The following MCM9 variants were observed in gnomAD, a reference collection of about 807,000 sequenced individuals.
The protein encoded by MCM9 is minichromosome maintenance 9 homologous recombination repair factor, also known as DNA helicase MCM9.
In MCM9, 55 loss-of-function variants were observed where a neutral mutation model predicts 72.8. The observed-to-expected ratio is 0.76, with a 90% CI of 0.61 to 0.95. The LOEUF is 0.95. Among genes scored for constraint, MCM9 ranks in the 40% least tolerant of loss-of-function variants. The pLI is 0.00. For missense variants in MCM9, 1,279 were observed against 1,377.0 expected, an observed-to-expected ratio of 0.93 and a Z score of 1.13; for synonymous variants, 480 against 503.4, an observed-to-expected ratio of 0.95 and a Z score of 0.62.
At chr6:118,894,147 G>A (rs1190843128) in intron 8 of MCM9, 1 of 1,232,364 alleles carries the variant, frequency 8.1e-7, no homozygotes. Context: ...TGGAGGAGGA[G>A]GGTCAGAACT....
intron 13 of MCM9, among the ~76,000 whole-genome samples, chr6:118,825,666 G>A (rs909762859): frequency 6.6e-6 from 1 of 152,218 alleles, no homozygotes; most frequent in South Asian, 2.1e-4. Flanking sequence ...TATTTCGGGA[G>A]TATGCGAACA....
intron 3 of MCM9, among the ~76,000 whole-genome samples, chr6:118,929,827 T>TG (rs1366381580): frequency 4.6e-5 from 7 of 152,122 alleles, no homozygotes; most frequent in East Asian, 3.9e-4. Flanking sequence ...AAAAGGCTGA[T>TG]GGGGGGGACC....
chr6:118,872,188 G>GGCA (rs1348680310), intron 8 of MCM9, among the ~76,000 whole-genome samples: 1 of 151,888 alleles, frequency 6.6e-6, no homozygotes, highest in Non-Finnish European at 1.5e-5. Flanking sequence ...GCGTGGTGGT[G>GGCA]GGCGCCTGTA....
At chr6:118,894,408 C>G in intron 8 of MCM9, 2 of 1,536,674 alleles carry the variant, frequency 1.3e-6, no homozygotes, top group Non-Finnish European at 1.7e-6. Context: ...GTGTTTTTTT[C>G]AAAATATGGC....
At chr6:118,829,290 C>A in intron 9 of MCM9, 40 bp from the exon 10 acceptor site, 1 of 1,502,810 alleles carries the variant, frequency 6.7e-7, no homozygotes, top group South Asian at 1.3e-5. Context: ...TTGTGAGGTT[C>A]AGATAAAATG....
chr6:118,857,109 C>T (rs565295158), intron 8 of MCM9, among the ~76,000 whole-genome samples: 1 of 152,280 alleles, frequency 6.6e-6, no homozygotes, highest in East Asian at 1.9e-4. Context: ...TTTTCTGTCT[C>T]TCCTTGTAGG....
intron 8 of MCM9, among the ~76,000 whole-genome samples, chr6:118,858,345 C>A (rs555872672): frequency 1.8e-4 from 27 of 152,110 alleles, no homozygotes; most frequent in African/African-American, 6.3e-4. Flanking sequence ...AAATTAGGAA[C>A]GGAAGAGAAC....
intron 6 of MCM9, among the ~76,000 whole-genome samples, chr6:118,916,887 G>A (rs116338173): frequency 0.01 from 1,590 of 152,282 alleles, 30 homozygotes; most frequent in African/African-American, 0.036. Context: ...GATTTGAGGG[G>A]AGTGTTATTA....
chr6:118,905,963 A>G, intron 8 of MCM9: 1 of 600,706 alleles, frequency 1.7e-6, no homozygotes, highest in African/African-American at 1.9e-5. Flanking sequence ...CAACTGGGCA[A>G]ACTAATTATT....
chr6:118,868,089 C>A (rs1475929802), intron 8 of MCM9, among the ~76,000 whole-genome samples: 1 of 151,902 alleles, frequency 6.6e-6, no homozygotes, highest in African/African-American at 2.4e-5. Context: ...GTTGGCCAGG[C>A]TCGTCTTGAA....
intron 8 of MCM9, among the ~76,000 whole-genome samples, chr6:118,881,755 A>G (rs1473282587): frequency 6.6e-6 from 1 of 152,244 alleles, no homozygotes; most frequent in Non-Finnish European, 1.5e-5. Context: ...CCATTTATAC[A>G]GACTATGGAA....
chr6:118,823,896 C>A (rs953884913), intron 13 of MCM9, among the ~76,000 whole-genome samples: 2 of 151,654 alleles, frequency 1.3e-5, no homozygotes, highest in Non-Finnish European at 2.9e-5. Flanking sequence ...CTAATTAATT[C>A]ATCACTGCTA....
At chr6:118,838,912 G>A (rs1330258428) in intron 9 of MCM9, among the ~76,000 whole-genome samples, 1 of 152,094 alleles carries the variant, frequency 6.6e-6, no homozygotes, top group Non-Finnish European at 1.5e-5. Flanking sequence ...GTGTTTCAGG[G>A]TTGTTCTTCT....
chr6:118,928,767 G>A (rs900490175), intron 3 of MCM9, among the ~76,000 whole-genome samples: 3 of 151,528 alleles, frequency 2.0e-5, no homozygotes, highest in African/African-American at 4.9e-5. Context: ...TGGGAGGATC[G>A]CTTGAGCCCA....
intron 8 of MCM9, among the ~76,000 whole-genome samples, chr6:118,874,091 C>CA (rs1462318712): frequency 2.0e-5 from 3 of 151,820 alleles, no homozygotes; most frequent in Non-Finnish European, 4.4e-5. Flanking sequence ...CCCATCTCTA[C>CA]AAAAAATACA....
chr6:118,900,564 A>G (rs1272207413), intron 8 of MCM9, among the ~76,000 whole-genome samples: 1 of 152,222 alleles, frequency 6.6e-6, no homozygotes, highest in African/African-American at 2.4e-5. Context: ...AGTGTTTCAC[A>G]AAAGAGTATT....
chr6:118,836,413 A>C (rs1322218900), intron 9 of MCM9, among the ~76,000 whole-genome samples: 1 of 152,222 alleles, frequency 6.6e-6, no homozygotes, highest in Non-Finnish European at 1.5e-5. Context: ...TAGTTTCAGA[A>C]GGAATAGTAC....
At chr6:118,876,679 T>C (rs1467543450) in intron 8 of MCM9, among the ~76,000 whole-genome samples, 3 of 152,224 alleles carry the variant, frequency 2.0e-5, no homozygotes, top group Non-Finnish European at 4.4e-5. Context: ...AAAATGTTTG[T>C]TCTTCTACAA....
At chr6:118,894,574 G>A in intron 8 of MCM9, 1 of 1,448,166 alleles carries the variant, frequency 6.9e-7, no homozygotes, top group Non-Finnish European at 9.4e-7. Context: ...TGCAGACGTT[G>A]AAAGTTTCCC....
Sources: gnomAD v4.1 joint callset for allele counts (sites outside exome capture counted in the v4.1 genomes callset) on GRCh38, gnomAD v4.1.1 for gene constraint, MANE v1.5 for transcripts, NCBI Gene and HGNC (gene_info 2026-07-23, HGNC 2026-07-21) for gene names.